The following SARDH variants were observed in gnomAD, a reference collection of about 807,000 sequenced individuals.
SARDH encodes the protein sarcosine dehydrogenase, mitochondrial.
In SARDH, 95 loss-of-function variants were observed where a neutral mutation model predicts 109.1. That is an observed-to-expected ratio of 0.87 (90% confidence interval 0.74 to 1.03). The LOEUF (loss-of-function observed/expected upper bound fraction) is 1.03, where lower values mean the gene tolerates loss of function less well. Among genes scored for constraint, SARDH ranks in the 50% least tolerant of loss-of-function variants. The pLI, the probability that SARDH is intolerant of heterozygous loss-of-function variation, is 0.00. For missense variants in SARDH, 1,267 were observed against 1,287.8 expected (o/e 0.98, Z 0.25); for synonymous variants, 572 against 534.8 (o/e 1.07, Z -0.96).
intron 3 of SARDH, 32 bp downstream of exon 3, chr9:133,732,391 C>A: frequency 6.6e-7 from 1 of 1,519,864 alleles, no homozygotes; most frequent in Non-Finnish European, 9.0e-7. Context: ...CACCCAAGCC[C>A]CCCTCCTTGC....
intron 10 of SARDH, among the ~76,000 whole-genome samples, chr9:133,710,703 G>T (rs2061882042): frequency 6.6e-6 from 1 of 152,264 alleles, no homozygotes; most frequent in South Asian, 2.1e-4. Context: ...TCTGTGTCTT[G>T]TCTCAGTCCC....
At chr9:133,696,128 C>T in intron 14 of SARDH, 95 bp downstream of exon 14, 3 of 1,488,428 alleles carry the variant, frequency 2.0e-6, no homozygotes, top group East Asian at 2.3e-5. Context: ...GCTCAGGGTG[C>T]CCGAGGGGAC....
At chr9:133,729,186 C>T (rs2427996) in intron 6 of SARDH, among the ~76,000 whole-genome samples, 131,280 of 151,812 alleles carry the variant, frequency 0.86, 57,104 homozygotes, top group Admixed American at 0.92. Flanking sequence ...GCATGATGAA[C>T]GGATGGAAAG....
chr9:133,696,940 C>T (rs915542425), intron 13 of SARDH, among the ~76,000 whole-genome samples: 1 of 151,810 alleles, frequency 6.6e-6, no homozygotes, highest in African/African-American at 2.4e-5. Flanking sequence ...TAATTAAACC[C>T]AAAGCAAGCA....
At chr9:133,661,066 G>A (rs542508251), downstream of SARDH, among the ~76,000 whole-genome samples, 11 of 152,276 alleles carry the variant, frequency 7.2e-5, no homozygotes, top group South Asian at 4.2e-4. Context: ...AGGGCTGGGC[G>A]CGGTGGCTCA....
intron 16 of SARDH, among the ~76,000 whole-genome samples, chr9:133,689,046 G>C (rs1830994291): frequency 6.6e-6 from 1 of 152,156 alleles, no homozygotes; most frequent in South Asian, 2.1e-4. Flanking sequence ...AGGGAAAGCG[G>C]ACCCCATGGC....
chr9:133,717,985 CCTT>C (rs1447096145), intron 7 of SARDH, among the ~76,000 whole-genome samples: 2 of 152,214 alleles, frequency 1.3e-5, no homozygotes, highest in Non-Finnish European at 1.5e-5. Flanking sequence ...TAAAGGATAT[CCTT>C]CTGCTCCAGT....
At position 133,666,176 on chromosome 9, in the gene SARDH, T is replaced by A. The variant is rs1830057787; in HGVS notation, c.2631+559A>T. ...GTCACCTGGAGGGGGTGGGGTTGCC[T>A]GGGGTCAGGGGTGTCGGGGGTGAGG... is the stretch of plus-strand genomic sequence containing the variant. On this transcript the variant is annotated intron_variant, in intron 20 of 20. Transcript: ENST00000439388. The surrounding 1 kb of genome is among the most constrained non-coding windows in gnomAD (Gnocchi z 5.2). Among the ~76,000 whole-genome samples the A allele has an allele frequency of 6.6e-6, 1 of 151,626 alleles. No individual in the cohort carries two copies. The highest frequency in any genetic ancestry group is 1.5e-5 in the Non-Finnish European group (1 of 67,874).
intron 2 of SARDH, 109 bp downstream of exon 2, chr9:133,733,734 C>T: frequency 8.8e-7 from 1 of 1,131,634 alleles, no homozygotes; most frequent in Non-Finnish European, 1.2e-6. Flanking sequence ...CCCAGGGTCT[C>T]TTCCCCAGGC....
At chr9:133,703,320 G>A (rs1831562905) in intron 12 of SARDH, 2 of 461,014 alleles carry the variant, frequency 4.3e-6, no homozygotes, top group East Asian at 7.6e-5. Context: ...ACGACAGGGA[G>A]AGGTGGTTAC....
intron 16 of SARDH, among the ~76,000 whole-genome samples, chr9:133,689,503 A>G (rs1831015475): frequency 6.6e-6 from 1 of 152,168 alleles, no homozygotes; most frequent in Non-Finnish European, 1.5e-5. Context: ...GAGCGTGTGC[A>G]GGCTTCTGAG....
At chr9:133,707,698 CGA>C (rs2131431010) in intron 11 of SARDH, among the ~76,000 whole-genome samples, 1 of 152,210 alleles carries the variant, frequency 6.6e-6, no homozygotes, top group Admixed American at 6.5e-5. Flanking sequence ...GCGTCCAGCA[CGA>C]GATGGCCAGG....
chr9:133,734,871 T>G (rs929149269), intron 1 of SARDH, among the ~76,000 whole-genome samples: 1 of 152,154 alleles, frequency 6.6e-6, no homozygotes, highest in African/African-American at 2.4e-5. Context: ...AAGATGCTCC[T>G]GAGGGGCCAA....
At chr9:133,670,520 G>A (rs914307406) in intron 19 of SARDH, 64 bp downstream of exon 19, 1 of 1,513,488 alleles carries the variant, frequency 6.6e-7, no homozygotes, top group South Asian at 1.2e-5. Flanking sequence ...GGACCAAGAA[G>A]CGCCTGCCTG....
chr9:133,680,829 G>A (rs1254140859), intron 17 of SARDH, among the ~76,000 whole-genome samples: 1 of 152,232 alleles, frequency 6.6e-6, no homozygotes, highest in Non-Finnish European at 1.5e-5. Context: ...CCAGAGAGCT[G>A]CCGGGAGGAC....
At chr9:133,691,688 A>G (rs944224845) in intron 15 of SARDH, among the ~76,000 whole-genome samples, 9 of 152,216 alleles carry the variant, frequency 5.9e-5, no homozygotes, top group African/African-American at 2.2e-4. Context: ...AAATCATCAC[A>G]TTCTCTCGGC....
rs967374705 is a variant in SARDH, at chr9:133,692,987, C to G, written c.1921+1271G>C. On this transcript the variant is annotated intron_variant, in intron 15 of 20. Transcript: ENST00000439388. This position sits in a 1 kb window ranked among gnomAD's most constrained non-coding sequence, Gnocchi z 5.0. ...TCACTACTCCCTGCTTTTGGCAGAA[C>G]CGCAGAGGCCCAGGAGCCCCTGCCA... is the stretch of plus-strand genomic sequence containing the variant. 2.0e-5 allele frequency among the ~76,000 whole-genome samples: 3 copies of G among 152,118 alleles called. No homozygotes were observed. The highest frequency in any genetic ancestry group is 7.2e-5 in the African/African-American group (3 of 41,414).
intron 20 of SARDH, among the ~76,000 whole-genome samples, chr9:133,665,019 G>A (rs547284263): frequency 2.6e-5 from 4 of 152,282 alleles, no homozygotes; most frequent in African/African-American, 9.6e-5. Flanking sequence ...AGAAACCTCC[G>A]TTACCCCACT....
intron 16 of SARDH, 62 bp from the exon 17 acceptor site, chr9:133,685,348 A>G: frequency 7.1e-7 from 1 of 1,417,488 alleles, no homozygotes. Flanking sequence ...TGGGCAGGAA[A>G]GGCCCCGGGG....
Sources: gnomAD v4.1 joint callset for allele counts (sites outside exome capture counted in the v4.1 genomes callset) on GRCh38, gnomAD v4.1.1 for gene constraint, Gnocchi (gnomAD v3.1) non-coding constraint, MANE v1.5 for transcripts, NCBI Gene and HGNC (gene_info 2026-07-23, HGNC 2026-07-21) for gene names.